The following AGBL4 variants were observed in gnomAD, a reference collection of about 807,000 sequenced individuals.
AGBL4 encodes AGBL carboxypeptidase 4.
AGBL4 carries 58 observed loss-of-function variants against 66.4 expected under a neutral mutation model. That is an observed-to-expected ratio of 0.87 (90% CI 0.71 to 1.09). AGBL4 has a LOEUF of 1.09. Ranked by LOEUF, AGBL4 falls within the 50% of genes least tolerant of loss-of-function variation. The pLI is 0.00. For missense variants in AGBL4, 579 were observed against 631.0 expected (o/e 0.92, Z 0.88); for synonymous variants, 234 against 222.9 (o/e 1.05, Z -0.44).
intron 3 of AGBL4, among the ~76,000 whole-genome samples, chr1:49,525,811 G>A (rs1370769192): frequency 6.6e-6 from 1 of 151,994 alleles, no homozygotes; most frequent in East Asian, 1.9e-4. Flanking sequence ...CTCTGCACCG[G>A]GCACAGTGGC....
At chr1:49,588,710 A>G (rs1415624716) in intron 3 of AGBL4, among the ~76,000 whole-genome samples, 1 of 152,218 alleles carries the variant, frequency 6.6e-6, no homozygotes, top group Non-Finnish European at 1.5e-5. Flanking sequence ...AGGCACCTAC[A>G]TGTGCCACAT....
At position 49,621,761 on chromosome 1, in the gene AGBL4, A is replaced by G. The variant is rs563278078; in HGVS notation, c.282+75552T>C. Among the ~76,000 whole-genome samples, 11 of 152,242 alleles carry G rather than the reference A, an allele frequency of 7.2e-5. No individual in the cohort carries two copies. The South Asian group carries it at 1.9e-3, about 26-fold the overall frequency. Reference sequence around the variant, plus strand: ...GGGGCACCACATTTGCCTTTCCTACATGTCAGGGCACATTAACCACTCCAA... The same window carrying G: ...GGGGCACCACATTTGCCTTTCCTACGTGTCAGGGCACATTAACCACTCCAA... On this transcript the variant is annotated intron_variant, in intron 3 of 13. Coordinates refer to ENST00000371839, the MANE Select transcript of AGBL4 (RefSeq NM_032785.4).
chr1:49,602,448 C>T (rs1243501122), intron 3 of AGBL4, among the ~76,000 whole-genome samples: 1 of 151,966 alleles, frequency 6.6e-6, no homozygotes, highest in Non-Finnish European at 1.5e-5. Flanking sequence ...AACCCAAATG[C>T]CCATCAATGA....
At chr1:49,985,372 T>C (rs1286067380) in intron 1 of AGBL4, among the ~76,000 whole-genome samples, 1 of 152,148 alleles carries the variant, frequency 6.6e-6, no homozygotes, top group Non-Finnish European at 1.5e-5. Flanking sequence ...AATAAAGGCC[T>C]GAGAAACATA....
At chr1:49,109,683 C>A (rs757620921) in intron 4 of AGBL4, among the ~76,000 whole-genome samples, 6 of 152,124 alleles carry the variant, frequency 3.9e-5, no homozygotes, top group Non-Finnish European at 8.8e-5. Context: ...GCCAGCAATA[C>A]CATGGCTTAA....
At chr1:49,091,486 T>C (rs1399781210) in intron 4 of AGBL4, among the ~76,000 whole-genome samples, 2 of 152,004 alleles carry the variant, frequency 1.3e-5, no homozygotes, top group African/African-American at 2.4e-5. Flanking sequence ...AAAATCACAA[T>C]AAGATATCAT....
At chr1:49,950,093 TAC>T (rs1240575381) in intron 1 of AGBL4, among the ~76,000 whole-genome samples, 6 of 141,118 alleles carry the variant, frequency 4.3e-5, no homozygotes, top group East Asian at 2.1e-4. Context: ...TGTATATATA[TAC>T]ACATATATAT....
intron 1 of AGBL4, among the ~76,000 whole-genome samples, chr1:49,965,287 A>G (rs926574153): frequency 6.6e-6 from 1 of 152,132 alleles, no homozygotes; most frequent in African/African-American, 2.4e-5. Flanking sequence ...CAAGACTACA[A>G]TGCTTTATCT....
chr1:49,859,764 C>T (rs1451091676), intron 1 of AGBL4, among the ~76,000 whole-genome samples: 2 of 151,640 alleles, frequency 1.3e-5, no homozygotes, highest in African/African-American at 2.4e-5. Context: ...TCTAAACGTG[C>T]AATAAACAAA....
intron 3 of AGBL4, among the ~76,000 whole-genome samples, chr1:49,364,929 A>G (rs1029061188): frequency 9.2e-5 from 14 of 152,228 alleles, no homozygotes; most frequent in African/African-American, 3.1e-4. Flanking sequence ...CACTATACTG[A>G]ACCTATTGTA....
intron 6 of AGBL4, among the ~76,000 whole-genome samples, chr1:48,849,909 G>A (rs1284866429): frequency 1.3e-5 from 2 of 152,114 alleles, no homozygotes; most frequent in Admixed American, 1.3e-4. Context: ...GGAGGCAGAG[G>A]TTGCTGTGAG....
intron 3 of AGBL4, among the ~76,000 whole-genome samples, chr1:49,494,020 C>A (rs1297403246): frequency 2.0e-5 from 3 of 151,912 alleles, no homozygotes; most frequent in Non-Finnish European, 4.4e-5. Context: ...AACAGGGTCA[C>A]CAGTCTAGCC....
At position 48,776,807 on chromosome 1, in the gene AGBL4, C is replaced by T. The variant is rs1645115963; in HGVS notation, c.634+90384G>A. 4 of 1,522,520 alleles carry T rather than the reference C, an allele frequency of 2.6e-6. No individual in the cohort carries two copies. The highest frequency in any genetic ancestry group is 2.6e-6 in the Non-Finnish European group (3 of 1,135,890). 94.3% of individuals were successfully genotyped at this position (1,522,520 alleles called of 1,614,324 possible). A position where few individuals can be genotyped will look rare whatever the true frequency, so the allele number is the denominator to read the frequency against. ...GGCAGCGCGTAGCAGACGTTGTCCT[C>T]CAGGAACCGCACAAAGGCGTACATG... On this transcript the variant is annotated intron_variant, in intron 6 of 13. Transcript: ENST00000371839.
At chr1:49,761,257 A>G (rs1376752781) in intron 2 of AGBL4, among the ~76,000 whole-genome samples, 1 of 152,142 alleles carries the variant, frequency 6.6e-6, no homozygotes, top group Non-Finnish European at 1.5e-5. Context: ...TTTAAAAAGA[A>G]GGCTATCATA....
intron 3 of AGBL4, among the ~76,000 whole-genome samples, chr1:49,672,921 C>CAAAAAAAAAAAA (rs60612868): frequency 8.5e-5 from 4 of 47,030 alleles, no homozygotes; most frequent in Admixed American, 4.7e-4. Context: ...AACTCCATCT[C>CAAAAAAAAAAAA]AAAAAAAAAA....
At chr1:49,079,599 G>A (rs1644772201) in intron 4 of AGBL4, among the ~76,000 whole-genome samples, 1 of 152,144 alleles carries the variant, frequency 6.6e-6, no homozygotes, top group Non-Finnish European at 1.5e-5. Flanking sequence ...GACACATGGG[G>A]ATTACAATTT....
At chr1:49,539,589 C>T (rs1651851726) in intron 3 of AGBL4, among the ~76,000 whole-genome samples, 1 of 152,208 alleles carries the variant, frequency 6.6e-6, no homozygotes, top group Non-Finnish European at 1.5e-5. Flanking sequence ...ACTCTTCCTA[C>T]TGGATTACTC....
rs536438616 is a variant in AGBL4 at position 48,972,775 on chromosome 1, T to A, written c.594+72809A>T. On this transcript the variant is annotated intron_variant, in intron 5 of 13. Transcript: ENST00000371839. Reference sequence around the variant, plus strand: ...AGAATTGTTCATTTTTTGGCAGATATTATTTTTGAAACCAAAGCATAGGGG... The same window carrying A: ...AGAATTGTTCATTTTTTGGCAGATAATATTTTTGAAACCAAAGCATAGGGG... 3.7e-4 allele frequency among the ~76,000 whole-genome samples: 56 copies of A among 152,270 alleles called. 1 individual carries two copies. Among genetic ancestry groups the A allele is most frequent in the African/African-American group, 1.3e-3 (52 of 41,562 alleles).
chr1:49,885,641 C>A (rs182572863), intron 1 of AGBL4, among the ~76,000 whole-genome samples: 1 of 152,042 alleles, frequency 6.6e-6, no homozygotes, highest in Non-Finnish European at 1.5e-5. Flanking sequence ...TATTGAAGAT[C>A]TATTTTTGCA....
Sources: gnomAD v4.1 joint callset for allele counts (sites outside exome capture counted in the v4.1 genomes callset) on GRCh38, gnomAD v4.1.1 for gene constraint, MANE v1.5 for transcripts, NCBI Gene and HGNC (gene_info 2026-07-23, HGNC 2026-07-21) for gene names.